Variants in FGGY observed in about 807,000 individuals in gnomAD.
FGGY encodes the protein FGGY carbohydrate kinase domain containing, also known as FGGY carbohydrate kinase domain-containing protein.
Under a neutral mutation model 71.3 loss-of-function variants are expected in FGGY, and 72 were observed. The observed-to-expected ratio is 1.01, with a 90% confidence interval of 0.84 to 1.23. FGGY has a LOEUF of 1.23. Ranked by LOEUF, FGGY falls within the 50% of genes most tolerant of loss-of-function variation. FGGY has a pLI of 0.00. For synonymous variants in FGGY, 251 were observed against 250.3 expected, an observed-to-expected ratio of 1.00 and a Z score of -0.02; for missense variants, 668 against 682.3, an observed-to-expected ratio of 0.98 and a Z score of 0.23.
At chr1:59,584,923 C>T (rs940719707) in intron 8 of FGGY, among the ~76,000 whole-genome samples, 17 of 151,110 alleles carry the variant, frequency 1.1e-4, no homozygotes, top group Non-Finnish European at 2.5e-4. Flanking sequence ...TTCACAATTG[C>T]TTCAAAGAGA....
At chr1:59,475,500 A>C (rs1222646656) in intron 6 of FGGY, among the ~76,000 whole-genome samples, 1 of 152,186 alleles carries the variant, frequency 6.6e-6, no homozygotes, top group Non-Finnish European at 1.5e-5. Context: ...CTTCCACCAA[A>C]CTTGTAAAAT....
In FGGY at chr1:59,593,008, C is replaced by A. The variant is rs546545292; in HGVS notation, c.904-14795C>A. On this transcript the variant is annotated intron_variant, in intron 8 of 15. Transcript: ENST00000303721. Reference sequence around the variant, plus strand: ...CATTTGAGGCAAAGCCTCTTTTCCTCTGTGTAGAACTGATGATGGGGTAAA... The same window carrying A: ...CATTTGAGGCAAAGCCTCTTTTCCTATGTGTAGAACTGATGATGGGGTAAA... Among the ~76,000 whole-genome samples, 15 of 152,304 alleles carry A rather than the reference C, an allele frequency of 9.8e-5. No individual in the cohort carries two copies. The South Asian group carries it at 1.7e-3, about 17-fold the overall frequency.
intron 5 of FGGY, among the ~76,000 whole-genome samples, chr1:59,384,434 G>A (rs745912054): frequency 2.0e-5 from 3 of 152,036 alleles, no homozygotes; most frequent in Non-Finnish European, 4.4e-5. Flanking sequence ...TGCATATCAA[G>A]GTGAAACAAG....
chr1:59,555,424 A>G (rs2095669379), intron 8 of FGGY, among the ~76,000 whole-genome samples: 2 of 152,162 alleles, frequency 1.3e-5, no homozygotes, highest in South Asian at 2.1e-4. Context: ...TTCCTCATCT[A>G]CAATATGTAG....
chr1:59,380,309 C>G lies in FGGY; in HGVS notation c.554+1472C>G, dbSNP rs1204573132. Among the ~76,000 whole-genome samples, 11 of 151,398 alleles carry G rather than the reference C, an allele frequency of 7.3e-5. No homozygotes were observed. The South Asian group carries it at 2.1e-3, about 29-fold the overall frequency. On this transcript the variant is annotated intron_variant, in intron 5 of 15. Coordinates refer to ENST00000303721, the MANE Select transcript of FGGY (RefSeq NM_018291.5). Reference sequence around the variant, plus strand: ...GATTTATAATCCTTTGGGTATATACCCAGTAATGGAATGGCTGGGTCAAAT... The same window carrying G: ...GATTTATAATCCTTTGGGTATATACGCAGTAATGGAATGGCTGGGTCAAAT...
At chr1:59,480,872 G>A (rs612292) in intron 6 of FGGY, among the ~76,000 whole-genome samples, 6,518 of 152,182 alleles carry the variant, frequency 0.043, 488 homozygotes, top group African/African-American at 0.15. Flanking sequence ...ACTTCATCCC[G>A]TGTGTTAGCC....
At chr1:59,528,852 G>T (rs2095063420) in intron 7 of FGGY, among the ~76,000 whole-genome samples, 1 of 152,228 alleles carries the variant, frequency 6.6e-6, no homozygotes, top group African/African-American at 2.4e-5. Context: ...GCTCTTCAAA[G>T]GAATTTATAT....
At chr1:59,458,487 C>G (rs1160258002) in intron 6 of FGGY, among the ~76,000 whole-genome samples, 1 of 152,172 alleles carries the variant, frequency 6.6e-6, no homozygotes, top group African/African-American at 2.4e-5. Context: ...TTGGGTATAA[C>G]TTCAACTCTG....
intron 9 of FGGY, among the ~76,000 whole-genome samples, chr1:59,617,312 T>A (rs2096765682): frequency 6.6e-6 from 1 of 152,038 alleles, no homozygotes; most frequent in Non-Finnish European, 1.5e-5. Context: ...AAACCATGGA[T>A]TTTAAAAAAA....
At chr1:59,489,625 G>T (rs2093764270) in intron 6 of FGGY, among the ~76,000 whole-genome samples, 1 of 151,934 alleles carries the variant, frequency 6.6e-6, no homozygotes, top group East Asian at 1.9e-4. Flanking sequence ...TCTATTATTG[G>T]ATACCTAGGC....
chr1:59,539,372 C>T (rs1034077763), intron 7 of FGGY, among the ~76,000 whole-genome samples: 5 of 152,094 alleles, frequency 3.3e-5, no homozygotes, highest in Middle Eastern at 3.4e-3. Flanking sequence ...GAACATATTA[C>T]GAAGTAATTA....
At chr1:59,446,536 A>G (rs190618805) in intron 5 of FGGY, among the ~76,000 whole-genome samples, 97 of 152,260 alleles carry the variant, frequency 6.4e-4, no homozygotes, top group Middle Eastern at 6.8e-3. Context: ...GTGCAGTGGT[A>G]TTTCTTCAGA....
chr1:59,344,779 G>T (rs752838465), intron 3 of FGGY, among the ~76,000 whole-genome samples: 7 of 152,092 alleles, frequency 4.6e-5, no homozygotes, highest in African/African-American at 1.7e-4. Flanking sequence ...GGGAATAATG[G>T]CAAGTAAAAA....
intron 6 of FGGY, among the ~76,000 whole-genome samples, chr1:59,469,491 C>T (rs2153541645): frequency 6.6e-6 from 1 of 152,356 alleles, no homozygotes; most frequent in South Asian, 2.1e-4. Flanking sequence ...GCAGAGCCCT[C>T]ATGGCTTAAT....
intron 5 of FGGY, among the ~76,000 whole-genome samples, chr1:59,422,599 G>A (rs952903541): frequency 7.2e-5 from 11 of 151,834 alleles, no homozygotes; most frequent in African/African-American, 2.7e-4. Context: ...GGAGGCTGAG[G>A]TAGGAGGACT....
At chr1:59,663,891 C>T (rs532637947) in intron 12 of FGGY, among the ~76,000 whole-genome samples, 1 of 152,196 alleles carries the variant, frequency 6.6e-6, no homozygotes, top group African/African-American at 2.4e-5. Context: ...TATTTGTTGT[C>T]GGTCAACTGA....
At position 59,645,868 on chromosome 1, in the gene FGGY, G is replaced by A. The variant is rs116709391; in HGVS notation, c.1221+7493G>A. On this transcript the variant is annotated intron_variant, in intron 11 of 15. Coordinates refer to ENST00000303721, the MANE Select transcript of FGGY (RefSeq NM_018291.5). ...AGTACAGAACTACCCAGAACAAAAAGTGATTTTCTGCTTCTTTGAAGAGCT... is the reference window on the plus strand; with the variant it reads ...AGTACAGAACTACCCAGAACAAAAAATGATTTTCTGCTTCTTTGAAGAGCT... Among the ~76,000 whole-genome samples, 455 of 152,358 alleles carry A rather than the reference G, an allele frequency of 3.0e-3. 1 individual carries two copies. The highest frequency in any genetic ancestry group is 0.01 in the African/African-American group (433 of 41,588).
At chr1:59,511,637 C>CTGAT (rs151134202) in intron 6 of FGGY, among the ~76,000 whole-genome samples, 9,045 of 152,232 alleles carry the variant, frequency 0.059, 349 homozygotes, top group East Asian at 0.13. Flanking sequence ...GAAGGCCTGA[C>CTGAT]TGCAAGAATT....
intron 14 of FGGY, among the ~76,000 whole-genome samples, chr1:59,747,005 C>T (rs1360030147): frequency 6.6e-6 from 1 of 152,162 alleles, no homozygotes; most frequent in African/African-American, 2.4e-5. Flanking sequence ...ATAGTAAGTA[C>T]TCAACAAATA....
Sources: allele counts gnomAD v4.1 joint callset (sites outside exome capture counted in the v4.1 genomes callset), GRCh38; gene constraint gnomAD v4.1.1; transcripts MANE v1.5; gene names NCBI Gene and HGNC (gene_info 2026-07-23, HGNC 2026-07-21).